Variants in MCC observed in about 807,000 individuals in gnomAD.
MCC encodes colorectal mutant cancer protein.
A neutral mutation model predicts 116.2 loss-of-function variants in MCC; 90 were observed. That is an observed-to-expected ratio of 0.77 (90% CI 0.65 to 0.92). MCC has a LOEUF of 0.92. Among genes scored for constraint, MCC ranks in the 40% least tolerant of loss-of-function variants. The pLI, the probability that MCC is intolerant of heterozygous loss-of-function variation, is 0.00. For missense variants in MCC, 1,516 were observed against 1,312.2 expected (o/e 1.16, Z -2.40); for synonymous variants, 578 against 510.5 (o/e 1.13, Z -1.78).
At chr5:113,204,252 C>CA (rs1253327461) in intron 3 of MCC, among the ~76,000 whole-genome samples, 2 of 152,170 alleles carry the variant, frequency 1.3e-5, no homozygotes, top group East Asian at 3.8e-4. Flanking sequence ...CTCTTTCTAG[C>CA]ACTAAATGTG....
In MCC at chr5:113,054,356, A is replaced by G. The variant is rs896830916; in HGVS notation, c.2214-397T>C. ...AAGTGAAATTATAGTGATATCGACA[A>G]TGGTGGTGATATTTTGAGGACATAG... On this transcript the variant is annotated intron_variant, in intron 14 of 18. Coordinates refer to ENST00000408903, the MANE Select transcript of MCC (RefSeq NM_001085377.2). Among the ~76,000 whole-genome samples, 3 of 152,250 alleles carry G rather than the reference A, an allele frequency of 2.0e-5. No individual in the cohort carries two copies. In the East Asian group the frequency reaches 5.8e-4, roughly 29 times the overall value.
chr5:113,150,380 T>A (rs1759781216), intron 4 of MCC, among the ~76,000 whole-genome samples: 2 of 152,012 alleles, frequency 1.3e-5, no homozygotes, highest in African/African-American at 2.4e-5. Flanking sequence ...GGGCAGAACA[T>A]CCTTATAAAC....
At chr5:113,137,547 G>A (rs1018732563) in intron 5 of MCC, among the ~76,000 whole-genome samples, 2 of 152,098 alleles carry the variant, frequency 1.3e-5, no homozygotes, top group African/African-American at 4.8e-5. Context: ...AATCCCACTC[G>A]ATCATGGTGA....
At chr5:113,398,309 G>A (rs796072529) in intron 1 of MCC, among the ~76,000 whole-genome samples, 4 of 152,212 alleles carry the variant, frequency 2.6e-5, no homozygotes, top group Middle Eastern at 3.4e-3. Context: ...GGAACTATTC[G>A]ACCCAGCAAT....
At position 113,170,568 on chromosome 5, in the gene MCC, C is replaced by A. The variant is rs146930735; in HGVS notation, c.628-19146G>T. ...TACTCTACCCACTTCCTAGGGATACCGGGGTCTCGGGGCATTCCTATAAGT... is the reference window on the plus strand; with the variant it reads ...TACTCTACCCACTTCCTAGGGATACAGGGGTCTCGGGGCATTCCTATAAGT... On this transcript the variant is annotated intron_variant, in intron 3 of 18. Transcript: ENST00000408903. 6.1e-4 allele frequency among the ~76,000 whole-genome samples: 92 copies of A among 152,040 alleles called. 2 individuals carry two copies. Among genetic ancestry groups the A allele is most frequent in the African/African-American group, 2.2e-3 (91 of 41,488 alleles).
intron 2 of MCC, among the ~76,000 whole-genome samples, chr5:113,342,447 G>C (rs1327402468): frequency 6.6e-6 from 1 of 152,182 alleles, no homozygotes; most frequent in African/African-American, 2.4e-5. Flanking sequence ...TTGGTTTGTT[G>C]ATTAGAGCAG....
At chr5:113,384,862 A>C in intron 2 of MCC, 106 bp downstream of exon 2, 1 of 1,302,696 alleles carries the variant, frequency 7.7e-7, no homozygotes, top group Non-Finnish European at 1.1e-6. Context: ...CAGCCTCAGT[A>C]TGAGCTGAGG....
chr5:113,072,786 C>T (rs10078365), intron 11 of MCC, among the ~76,000 whole-genome samples: 16,939 of 152,184 alleles, frequency 0.11, 2,330 homozygotes, highest in African/African-American at 0.33. Context: ...AGGTATGCTC[C>T]GCTGGCTCAC....
chr5:113,032,704 G>T (rs997022407), intron 17 of MCC, among the ~76,000 whole-genome samples: 1 of 152,202 alleles, frequency 6.6e-6, no homozygotes, highest in African/African-American at 2.4e-5. Flanking sequence ...TGCATTCCCA[G>T]ATGGTTAAGG....
rs1287102776 is a variant in MCC, at chr5:113,049,287, C to T, written c.2461G>A (p.Glu821Lys). Residue 821 changes from glutamate to lysine, a missense_variant, in exon 16 of 19, where the codon GAG (glutamate) becomes AAG (lysine). Glu to Lys is a moderately conservative substitution (Grantham distance 56). Transcript: ENST00000408903. ...AGTAGGTAGAGCTGGGCCTTCAACT[C>T]GGCCATCTCCTCCTACAGACAAAGG... Reference protein sequence around the residue: ...ELMAMKEEMAELKAQLYLLEK... With the variant: ...ELMAMKEEMAKLKAQLYLLEK... 23 of 1,596,074 alleles carry T rather than the reference C, an allele frequency of 1.4e-5. No homozygotes were observed. Among genetic ancestry groups the T allele is most frequent in the African/African-American group, 2.7e-5 (2 of 74,592 alleles).
At chr5:113,264,017 T>C (rs78792986) in intron 3 of MCC, among the ~76,000 whole-genome samples, 2 of 152,118 alleles carry the variant, frequency 1.3e-5, no homozygotes, top group African/African-American at 2.4e-5. Flanking sequence ...GGTTCTTTAA[T>C]TCCTCATTTT....
chr5:113,202,391 T>C (rs181999295), intron 3 of MCC, among the ~76,000 whole-genome samples: 79 of 152,292 alleles, frequency 5.2e-4, no homozygotes, highest in Non-Finnish European at 8.4e-4. Flanking sequence ...TCTCCAGGAC[T>C]GATAACCTAC....
intron 3 of MCC, among the ~76,000 whole-genome samples, chr5:113,187,438 T>C (rs1374361712): frequency 6.6e-6 from 1 of 152,098 alleles, no homozygotes; most frequent in Non-Finnish European, 1.5e-5. Context: ...AAGATGAGGC[T>C]AAAAGCACTG....
intron 3 of MCC, among the ~76,000 whole-genome samples, chr5:113,289,228 G>C (rs34271294): frequency 0.078 from 11,833 of 151,568 alleles, 838 homozygotes; most frequent in Admixed American, 0.24. Context: ...CTACTCAGGA[G>C]GCTGAGGCAG....
intron 6 of MCC, among the ~76,000 whole-genome samples, chr5:113,109,553 C>G (rs182212320): frequency 1.3e-5 from 2 of 152,028 alleles, no homozygotes; most frequent in Non-Finnish European, 2.9e-5. Context: ...ATGAAAATGT[C>G]CTGGAAATGG....
At chr5:113,446,849 G>A in intron 1 of MCC, among the ~76,000 whole-genome samples, 1 of 152,136 alleles carries the variant, frequency 6.6e-6, no homozygotes. Context: ...TGAGTACTAT[G>A]TTCACTACCT....
At chr5:113,409,464 G>C (rs1239893997) in intron 1 of MCC, among the ~76,000 whole-genome samples, 1 of 151,896 alleles carries the variant, frequency 6.6e-6, no homozygotes, top group Admixed American at 6.6e-5. Flanking sequence ...AAATCCTCCT[G>C]CCTTAGCCTC....
At chr5:113,479,145 A>C (rs1772308073) in intron 1 of MCC, among the ~76,000 whole-genome samples, 1 of 152,260 alleles carries the variant, frequency 6.6e-6, no homozygotes, top group African/African-American at 2.4e-5. Flanking sequence ...AGTAATAAAA[A>C]GGAACTACTG....
chr5:113,336,415 TGCA>T (rs1161564139), intron 3 of MCC, among the ~76,000 whole-genome samples: 1 of 151,694 alleles, frequency 6.6e-6, no homozygotes, highest in Non-Finnish European at 1.5e-5. Context: ...CAAGTGTGTG[TGCA>T]GGAGACACAC....
Sources: gnomAD v4.1 joint callset for allele counts (sites outside exome capture counted in the v4.1 genomes callset) on GRCh38, gnomAD v4.1.1 for gene constraint, MANE v1.5 for transcripts, NCBI Gene and HGNC (gene_info 2026-07-23, HGNC 2026-07-21) for gene names.